The following NFYB variants were observed in gnomAD, a reference collection of about 807,000 sequenced individuals.
The protein encoded by NFYB is CAAT box DNA-binding protein subunit B.
A neutral mutation model predicts 28.0 loss-of-function variants in NFYB; 13 were observed. That is an observed-to-expected ratio of 0.46 (90% CI 0.30 to 0.74). The LOEUF is 0.74. NFYB is among the 30% of genes least tolerant of loss of function. The probability of loss-of-function intolerance (pLI) is 0.07; values close to 1 mark genes in which losing one functional copy is unlikely to be tolerated. For missense variants in NFYB, 142 were observed against 247.6 expected, an observed-to-expected ratio of 0.57 and a Z score of 2.86; for synonymous variants, 74 against 75.0, an observed-to-expected ratio of 0.99 and a Z score of 0.07.
In NFYB at chr12:104,128,612, T is replaced by G; in HGVS notation, c.7-95A>C. On this transcript the variant is annotated intron_variant, in intron 2 of 7. Transcript: ENST00000240055. ...AAACTGTCACAGGATGATGCATCAA[T>G]TATACTTTTCATAGCCTTAAGCTTA... 3 of 734,250 alleles carry G rather than the reference T, an allele frequency of 4.1e-6. No homozygotes were observed. In the Admixed American group the frequency reaches 6.8e-5, roughly 17 times the overall value. 45.5% of individuals were successfully genotyped at this position (734,250 alleles called of 1,614,324 possible). A position where few individuals can be genotyped will look rare whatever the true frequency, so the allele number is the denominator to read the frequency against.
At position 104,126,108 on chromosome 12, in the gene NFYB, C is replaced by A. The variant is rs772503720; in HGVS notation, c.231+6G>T. The A allele has an allele frequency of 6.3e-7, 1 of 1,577,116 alleles. No homozygotes were observed. On this transcript the variant is annotated splice_donor_region_variant and intron_variant, in intron 4 of 7. Coordinates refer to ENST00000240055, the MANE Select transcript of NFYB (RefSeq NM_006166.4). Reference sequence around the variant, plus strand: ...AAAACCTAGTTAAATTTCTCCTCTACGTTACCTTTCCCGTTTGAGGTATGG... The same window carrying A: ...AAAACCTAGTTAAATTTCTCCTCTAAGTTACCTTTCCCGTTTGAGGTATGG...
rs918737587 is a variant in NFYB at position 104,118,344 on chromosome 12, T to C, written c.*1393A>G. On this transcript the variant is annotated 3_prime_UTR_variant, in exon 8 of 8. Transcript: ENST00000240055. ...TGTTTTTTAAATGGAGAGTAGGAGA[T>C]GAGGACATTATTAACCTCTGATTAG... is the stretch of plus-strand genomic sequence containing the variant. 6.6e-6 allele frequency: 1 copy of C among 152,608 alleles called. No homozygotes were observed. The highest frequency in any genetic ancestry group is 2.4e-5 in the African/African-American group (1 of 41,448). 9.5% of individuals were successfully genotyped at this position (152,608 alleles called of 1,614,324 possible).
chr12:104,123,450 C>T, intron 4 of NFYB, 27 bp from the exon 5 acceptor site: 2 of 1,598,310 alleles, frequency 1.3e-6, no homozygotes, highest in Middle Eastern at 1.7e-4. Flanking sequence ...AGGTAAATTA[C>T]AGAAACTATA....
chr12:104,134,732 C>T (rs1471363993), intron 2 of NFYB, among the ~76,000 whole-genome samples: 1 of 152,168 alleles, frequency 6.6e-6, no homozygotes, highest in East Asian at 1.9e-4. Flanking sequence ...TTTTCTCTAT[C>T]TTCATGGTTA....
rs1322336467 is a variant in NFYB, at chr12:104,123,343, C to T, written c.312G>A (p.Arg104=). The T allele has an allele frequency of 1.2e-6, 2 of 1,613,932 alleles. No individual in the cohort carries two copies. Among genetic ancestry groups the T allele is most frequent in the African/African-American group, 1.3e-5 (1 of 74,908 alleles). ...ISFITSEASE[R]CHQEKRKTIN... Reference sequence around the variant, plus strand: ...TTGTTTTCCGTTTCTCTTGATGGCACCTTTCACTTGCTTCAGATGTTATAA... The same window carrying T: ...TTGTTTTCCGTTTCTCTTGATGGCATCTTTCACTTGCTTCAGATGTTATAA... The change falls in exon 5 of 8, where the codon AGG becomes AGA. Residue 104 remains arginine (R), a synonymous_variant. Coordinates refer to ENST00000240055, the MANE Select transcript of NFYB (RefSeq NM_006166.4).
In NFYB at chr12:104,123,162, C is replaced by G. The variant is rs887979222; in HGVS notation, c.429+64G>C. Reference sequence around the variant, plus strand: ...CTGTACTCCAGCCTGGGCAACAGAGCGATACTCCACCTCAAAAAAAAAAAG... The same window carrying G: ...CTGTACTCCAGCCTGGGCAACAGAGGGATACTCCACCTCAAAAAAAAAAAG... On this transcript the variant is annotated intron_variant, in intron 5 of 7. Coordinates refer to ENST00000240055, the MANE Select transcript of NFYB (RefSeq NM_006166.4). 3.2e-6 allele frequency: 4 copies of G among 1,266,172 alleles called. No individual in the cohort carries two copies. In the African/African-American group the frequency reaches 6.3e-5, roughly 20 times the overall value. The allele number at this position is 1,266,172 out of a possible 1,614,324, so 78.4% of individuals were successfully genotyped here.
At chr12:104,134,476 C>A (rs868562924) in intron 2 of NFYB, among the ~76,000 whole-genome samples, 20 of 152,150 alleles carry the variant, frequency 1.3e-4, no homozygotes, top group Admixed American at 4.6e-4. Flanking sequence ...CCTTCAAGCT[C>A]TACCTCATCT....
intron 6 of NFYB, 49 bp from the exon 7 acceptor site, chr12:104,120,528 T>C: frequency 7.7e-7 from 1 of 1,305,968 alleles, no homozygotes; most frequent in Non-Finnish European, 1.1e-6. Flanking sequence ...ATATCTACTT[T>C]CTTGGGTTGT....
chr12:104,122,865 T>A (rs553262325), intron 5 of NFYB, among the ~76,000 whole-genome samples: 1 of 152,046 alleles, frequency 6.6e-6, no homozygotes, highest in Non-Finnish European at 1.5e-5. Flanking sequence ...ATAAATAATG[T>A]CTCTTATTTT....
At position 104,119,644 on chromosome 12, in the gene NFYB, C is replaced by G; in HGVS notation, c.*93G>C. 1.2e-6 allele frequency: 1 copy of G among 856,738 alleles called. No individual in the cohort carries two copies. Among genetic ancestry groups the G allele is most frequent in the Non-Finnish European group, 1.9e-6 (1 of 536,522 alleles). 53.1% of individuals were successfully genotyped at this position (856,738 alleles called of 1,614,324 possible). A position where few individuals can be genotyped will look rare whatever the true frequency, so the allele number is the denominator to read the frequency against. ...TTACAGCTATTAATATACAAAGATA[C>G]ATCTTTTCACCAGTCTTTCCTTCTG... On this transcript the variant is annotated 3_prime_UTR_variant, in exon 8 of 8. Transcript: ENST00000240055.
intron 2 of NFYB, among the ~76,000 whole-genome samples, chr12:104,129,094 CTTTCTT>C (rs1426539990): frequency 1.3e-5 from 2 of 152,228 alleles, no homozygotes; most frequent in African/African-American, 4.8e-5. Context: ...GCATATGCCT[CTTTCTT>C]TTTAAGTGCA....
Position 104,123,268 on chromosome 12 carries a change from A to G in NFYB, c.387T>C (p.Ser129=), listed in dbSNP as rs1163535621. The change falls in exon 5 of 8, where the codon AGT becomes AGC. Residue 129 remains serine, a synonymous_variant. Transcript: ENST00000240055. The part of the protein sequence containing the change: ...LFAMSTLGFD[S]YVEPLKLYLQ... ...GGTATAATTTCAGAGGTTCCACATA[A>G]CTGTCAAAGCCTAAAGTAGACATAG... 6.2e-7 allele frequency: 1 copy of G among 1,613,946 alleles called. No homozygotes were observed. The highest frequency in any genetic ancestry group is 8.5e-7 in the Non-Finnish European group (1 of 1,180,000).
chr12:104,117,404 T>C lies in NFYB; in HGVS notation c.*2333A>G, dbSNP rs1328028102. On this transcript the variant is annotated 3_prime_UTR_variant, in exon 8 of 8. Coordinates refer to ENST00000240055, the MANE Select transcript of NFYB (RefSeq NM_006166.4). Reference sequence around the variant, plus strand: ...TGTTGTAGTATATACTAATTTAAAATTTACTCAAATTCCTGTTTGTTTGAG... The same window carrying C: ...TGTTGTAGTATATACTAATTTAAAACTTACTCAAATTCCTGTTTGTTTGAG... 6.6e-6 allele frequency: 1 copy of C among 152,184 alleles called. No individual in the cohort carries two copies. The highest frequency in any genetic ancestry group is 1.5e-5 in the Non-Finnish European group (1 of 68,036). The allele number at this position is 152,184 out of a possible 1,614,324, so 9.4% of individuals were successfully genotyped here. A position where few individuals can be genotyped will look rare whatever the true frequency, so the allele number is the denominator to read the frequency against.
chr12:104,119,894 C>G, intron 7 of NFYB, 125 bp from the exon 8 acceptor site: 2 of 637,152 alleles, frequency 3.1e-6, no homozygotes, highest in Non-Finnish European at 5.5e-6. Context: ...TCTTGTGTAT[C>G]TTTCTAGAAA....
rs369298862 is a variant in NFYB, at chr12:104,128,377, T to G, written c.100+47A>C. 24 of 1,398,600 alleles carry G rather than the reference T, an allele frequency of 1.7e-5. No individual in the cohort carries two copies. In the African/African-American group the frequency reaches 3.3e-4, roughly 19 times the overall value. 86.6% of individuals were successfully genotyped at this position (1,398,600 alleles called of 1,614,324 possible). A position where few individuals can be genotyped will look rare whatever the true frequency, so the allele number is the denominator to read the frequency against. On this transcript the variant is annotated intron_variant, in intron 3 of 7. Transcript: ENST00000240055. The stretch of plus-strand genomic sequence containing the variant: ...CCATATTAATGAAATGTCCACTTTC[T>G]AACTTGCTTCAACTTGAGAATTTGG...
intron 5 of NFYB, among the ~76,000 whole-genome samples, chr12:104,121,528 T>C (rs2030475502): frequency 6.6e-6 from 1 of 152,184 alleles, no homozygotes; most frequent in Non-Finnish European, 1.5e-5. Flanking sequence ...AAGACAGAGT[T>C]AGTAATGACC....
chr12:104,130,597 A>C (rs2030887952), intron 2 of NFYB, among the ~76,000 whole-genome samples: 1 of 152,184 alleles, frequency 6.6e-6, no homozygotes, highest in Non-Finnish European at 1.5e-5. Context: ...GATCCCCTGA[A>C]AATAAGCATC....
At chr12:104,127,052 G>A (rs1020133323) in intron 3 of NFYB, among the ~76,000 whole-genome samples, 1 of 152,150 alleles carries the variant, frequency 6.6e-6, no homozygotes, top group African/African-American at 2.4e-5. Context: ...TGAAGCTTGC[G>A]CAGTACCAAT....
At chr12:104,133,195 G>A (rs1167208851) in intron 2 of NFYB, among the ~76,000 whole-genome samples, 1 of 152,190 alleles carries the variant, frequency 6.6e-6, no homozygotes, top group East Asian at 1.9e-4. Flanking sequence ...CTGTGACGCA[G>A]GTGAGAAAAC....
Sources: gnomAD v4.1 joint callset for allele counts (sites outside exome capture counted in the v4.1 genomes callset) on GRCh38, gnomAD v4.1.1 for gene constraint, MANE v1.5 for transcripts, NCBI Gene and HGNC (gene_info 2026-07-23, HGNC 2026-07-21) for gene names.